TBC1D19: variants seen among roughly 807,000 people sequenced by gnomAD.
The protein encoded by TBC1D19 is TBC1 domain family member 19.
In TBC1D19, 60 loss-of-function variants were observed where a neutral mutation model predicts 89.0. The observed-to-expected ratio is 0.67, with a 90% CI of 0.55 to 0.84. The LOEUF (loss-of-function observed/expected upper bound fraction) is 0.84, where lower values mean the gene tolerates loss of function less well. TBC1D19 is among the 40% of genes least tolerant of loss of function. The pLI, the probability that TBC1D19 is intolerant of heterozygous loss-of-function variation, is 0.00. For synonymous variants in TBC1D19, 189 were observed against 199.7 expected (o/e 0.95, Z 0.45); for missense variants, 500 against 610.8 (o/e 0.82, Z 1.91).
the TBC1D19 span, among the ~76,000 whole-genome samples, chr4:26,791,715 C>T: frequency 6.6e-6 from 1 of 152,168 alleles, no homozygotes; most frequent in African/African-American, 2.4e-5. Flanking sequence ...TCAATAAAGA[C>T]TCATGGCTTG....
the TBC1D19 span, among the ~76,000 whole-genome samples, chr4:26,793,232 C>T: frequency 3.3e-5 from 5 of 152,190 alleles, no homozygotes; most frequent in South Asian, 6.2e-4. Flanking sequence ...TAGTCCTTCT[C>T]GGCCAGGAGA....
At chr4:26,695,200 C>T (rs527747722) in intron 13 of TBC1D19, among the ~76,000 whole-genome samples, 8 of 152,174 alleles carry the variant, frequency 5.3e-5, no homozygotes, top group African/African-American at 1.9e-4. Context: ...ATGAGAACTA[C>T]GTGACAAATG....
chr4:26,664,752 A>G (rs1256911737), intron 8 of TBC1D19, among the ~76,000 whole-genome samples: 1 of 151,798 alleles, frequency 6.6e-6, no homozygotes, highest in East Asian at 1.9e-4. Flanking sequence ...TATCCCGATC[A>G]TTGTCCCTCC....
the TBC1D19 span, among the ~76,000 whole-genome samples, chr4:26,850,166 A>G: frequency 6.6e-6 from 1 of 152,108 alleles, no homozygotes; most frequent in Non-Finnish European, 1.5e-5. Flanking sequence ...ATTTGGAGAT[A>G]GTTTATTTAC....
chr4:26,626,591 G>A (rs1046425093), intron 4 of TBC1D19, among the ~76,000 whole-genome samples: 1 of 152,034 alleles, frequency 6.6e-6, no homozygotes, highest in African/African-American at 2.4e-5. Context: ...TACATTACCT[G>A]ATGTTCAGTC....
chr4:26,611,677 G>C (rs1331446605), intron 1 of TBC1D19, among the ~76,000 whole-genome samples: 1 of 152,070 alleles, frequency 6.6e-6, no homozygotes, highest in Non-Finnish European at 1.5e-5. Flanking sequence ...TATCATATCT[G>C]TTTTAGTTAT....
At chr4:26,581,027 G>T (rs965866784), upstream of TBC1D19, among the ~76,000 whole-genome samples, 22 of 152,166 alleles carry the variant, frequency 1.4e-4, no homozygotes, top group Admixed American at 4.6e-4. Context: ...AAATTTCAGA[G>T]AATTTTGAGG....
At chr4:26,701,470 T>C (rs1715326531) in intron 13 of TBC1D19, among the ~76,000 whole-genome samples, 1 of 152,202 alleles carries the variant, frequency 6.6e-6, no homozygotes, top group South Asian at 2.1e-4. Context: ...TTGGTCCTTA[T>C]TGTTAATTCC....
At chr4:26,660,237 T>A (rs1026529304) in intron 8 of TBC1D19, among the ~76,000 whole-genome samples, 1 of 152,134 alleles carries the variant, frequency 6.6e-6, no homozygotes, top group South Asian at 2.1e-4. Context: ...AAATTATCAC[T>A]CCTTCTTTCA....
chr4:26,678,228 G>A (rs112761875), intron 11 of TBC1D19, among the ~76,000 whole-genome samples: 1 of 152,202 alleles, frequency 6.6e-6, no homozygotes, highest in Non-Finnish European at 1.5e-5. Context: ...CTGGAATAAA[G>A]GGGATTCTTG....
chr4:26,604,298 A>T (rs1740833504), intron 1 of TBC1D19, among the ~76,000 whole-genome samples: 1 of 150,692 alleles, frequency 6.6e-6, no homozygotes, highest in Non-Finnish European at 1.5e-5. Context: ...GACTACAGGC[A>T]CTTGCCACCA....
intron 4 of TBC1D19, among the ~76,000 whole-genome samples, chr4:26,632,594 A>G (rs1742870536): frequency 6.6e-6 from 1 of 152,204 alleles, no homozygotes; most frequent in Admixed American, 6.6e-5. Context: ...AAAGAGGTAG[A>G]GGAGGTGGAA....
At chr4:26,697,772 C>T (rs1714939491) in intron 13 of TBC1D19, among the ~76,000 whole-genome samples, 1 of 152,182 alleles carries the variant, frequency 6.6e-6, no homozygotes, top group African/African-American at 2.4e-5. Context: ...ACATGATTAT[C>T]TCAATAGATG....
intron 8 of TBC1D19, among the ~76,000 whole-genome samples, chr4:26,659,933 T>G (rs1577894495): frequency 6.6e-6 from 1 of 152,232 alleles, no homozygotes; most frequent in African/African-American, 2.4e-5. Flanking sequence ...GCTTATTTTG[T>G]ATTTTAATAA....
chr4:26,856,198 A>T, the TBC1D19 span, among the ~76,000 whole-genome samples: 1 of 152,028 alleles, frequency 6.6e-6, no homozygotes, highest in Non-Finnish European at 1.5e-5. Flanking sequence ...ACTTTTTTTT[A>T]GATTCCACAT....
chr4:26,685,195 A>T (rs1713702298), intron 12 of TBC1D19, among the ~76,000 whole-genome samples: 1 of 152,240 alleles, frequency 6.6e-6, no homozygotes, highest in African/African-American at 2.4e-5. Flanking sequence ...GCTCTGGGCC[A>T]CTGGGGCTAC....
chr4:26,716,628 AAGAAATATTTATCTTACAATAGT>A (rs1716630701), intron 13 of TBC1D19, among the ~76,000 whole-genome samples: 1 of 152,122 alleles, frequency 6.6e-6, no homozygotes, highest in Non-Finnish European at 1.5e-5. Flanking sequence ...AAAAATGTGT[AAGAAATATTTATCTTACAATAGT>A]GAAAAGAAAC....
intron 13 of TBC1D19, among the ~76,000 whole-genome samples, chr4:26,697,977 C>G (rs1318753317): frequency 1.3e-5 from 2 of 152,152 alleles, no homozygotes. Flanking sequence ...TCTCTCACCA[C>G]TCCTATTCAA....
At chr4:26,637,854 G>T (rs1031341653) in intron 5 of TBC1D19, among the ~76,000 whole-genome samples, 1 of 152,106 alleles carries the variant, frequency 6.6e-6, no homozygotes, top group Non-Finnish European at 1.5e-5. Flanking sequence ...TAGACATTTG[G>T]CTGTAAAGAT....
Sources: gnomAD v4.1 joint callset for allele counts (sites outside exome capture counted in the v4.1 genomes callset) on GRCh38, gnomAD v4.1.1 for gene constraint, MANE v1.5 for transcripts, NCBI Gene and HGNC (gene_info 2026-07-23, HGNC 2026-07-21) for gene names.